The following HEXB variants were observed in gnomAD, a reference collection of about 807,000 sequenced individuals.
HEXB encodes the protein beta-hexosaminidase subunit beta.
Under a neutral mutation model 71.2 loss-of-function variants are expected in HEXB, and 51 were observed. That is an observed-to-expected ratio of 0.72 (90% CI 0.57 to 0.90). HEXB has a LOEUF of 0.90. HEXB is among the 40% of genes least tolerant of loss of function. The probability of loss-of-function intolerance (pLI) is 0.00; values close to 1 mark genes in which losing one functional copy is unlikely to be tolerated. For synonymous variants in HEXB, 266 were observed against 249.3 expected (o/e 1.07, Z -0.63); for missense variants, 617 against 677.0 (o/e 0.91, Z 0.98).
chr5:74,661,563 G>GTGTC (rs1748326404), intron 1 of HEXB, among the ~76,000 whole-genome samples: 7 of 133,802 alleles, frequency 5.2e-5, no homozygotes, highest in South Asian at 2.5e-4. Context: ...GTGTGTGTGT[G>GTGTC]TCTCTCTCTC....
chr5:74,694,305 A>T (rs539072269), intron 3 of HEXB, among the ~76,000 whole-genome samples: 2 of 152,190 alleles, frequency 1.3e-5, no homozygotes, highest in African/African-American at 4.8e-5. Flanking sequence ...CATGGCCCCA[A>T]CCTGTCCTGA....
At position 74,720,524 on chromosome 5, in the gene HEXB, G is replaced by C. The variant is rs935320840; in HGVS notation, c.1508+6G>C. 3.1e-6 allele frequency: 5 copies of C among 1,603,250 alleles called. No homozygotes were observed. The highest frequency in any genetic ancestry group is 3.4e-6 in the Non-Finnish European group (4 of 1,170,268). On this transcript the variant is annotated splice_donor_region_variant and intron_variant, in intron 12 of 13. Transcript: ENST00000261416. The stretch of plus-strand genomic sequence containing the variant: ...AACCTCACTCCAAGATTATGGTATG[G>C]GATTTACCTGATAACATTTAAGAAT...
intron 1 of HEXB, among the ~76,000 whole-genome samples, chr5:74,648,659 T>C (rs1748046142): frequency 6.6e-6 from 1 of 152,230 alleles, no homozygotes. Context: ...CTAGGTACAT[T>C]CTAATTTTTC....
chr5:74,645,828 C>T (rs924773331), intron 1 of HEXB, among the ~76,000 whole-genome samples: 4 of 152,142 alleles, frequency 2.6e-5, no homozygotes, highest in Non-Finnish European at 5.9e-5. Flanking sequence ...ATTATTTTCT[C>T]AGAACAATGT....
chr5:74,695,439 G>A (rs1181171977), intron 3 of HEXB, among the ~76,000 whole-genome samples: 4 of 150,928 alleles, frequency 2.7e-5, no homozygotes, highest in South Asian at 2.1e-4. Flanking sequence ...TCCTGACCTC[G>A]TGATCCACCT....
intron 10 of HEXB, 40 bp downstream of exon 10, chr5:74,718,403 CT>C: frequency 7.0e-7 from 1 of 1,424,230 alleles, no homozygotes; most frequent in Non-Finnish European, 9.9e-7. Flanking sequence ...ATATAAGAGA[CT>C]TAATTATTTT....
upstream of HEXB, among the ~76,000 whole-genome samples, chr5:74,684,185 T>C (rs1748795711): frequency 6.6e-6 from 1 of 152,232 alleles, no homozygotes; most frequent in African/African-American, 2.4e-5. Flanking sequence ...AATACTTATA[T>C]AGCAGATCTG....
chr5:74,695,383 T>G (rs1749090662), intron 3 of HEXB, among the ~76,000 whole-genome samples: 1 of 150,996 alleles, frequency 6.6e-6, no homozygotes, highest in South Asian at 2.1e-4. Flanking sequence ...TTTTGTATTT[T>G]TAGTAGAGAC....
At chr5:74,657,454 C>A (rs1748241071) in intron 1 of HEXB, among the ~76,000 whole-genome samples, 1 of 152,200 alleles carries the variant, frequency 6.6e-6, no homozygotes, top group Non-Finnish European at 1.5e-5. Flanking sequence ...AAAATAGCAA[C>A]CTCCTTGCTC....
intron 1 of HEXB, among the ~76,000 whole-genome samples, chr5:74,662,156 A>G (rs1387144961): frequency 5.3e-5 from 8 of 151,274 alleles, no homozygotes. Flanking sequence ...AACCACCATG[A>G]TTTTAAGCTT....
rs1425369435 is a variant in HEXB at position 74,652,965 on chromosome 5, G to A, written c.-377+12407G>A. On this transcript the variant is annotated intron_variant, in intron 1 of 13. Transcript: ENST00000511181. The surrounding 1 kb of genome is among the most constrained non-coding windows in gnomAD (Gnocchi z 5.4). ...TTGCTTTACTGAAATGGAATTTATA[G>A]ATAATAGACTCTATTGAATATAACT... 1.3e-5 allele frequency among the ~76,000 whole-genome samples: 2 copies of A among 152,170 alleles called. No individual in the cohort carries two copies. Among genetic ancestry groups the A allele is most frequent in the Non-Finnish European group, 2.9e-5 (2 of 68,034 alleles).
intron 1 of HEXB, among the ~76,000 whole-genome samples, chr5:74,679,382 C>G (rs961849763): frequency 6.6e-6 from 1 of 152,172 alleles, no homozygotes; most frequent in Non-Finnish European, 1.5e-5. Context: ...ATTAGCAACA[C>G]AGTAGCCAGC....
At chr5:74,674,830 A>T (rs1437319463) in intron 1 of HEXB, among the ~76,000 whole-genome samples, 1 of 152,092 alleles carries the variant, frequency 6.6e-6, no homozygotes, top group Non-Finnish European at 1.5e-5. Flanking sequence ...TTATTTTCTC[A>T]GTTCTCTGTA....
At chr5:74,643,810 A>C (rs1747951284) in intron 1 of HEXB, among the ~76,000 whole-genome samples, 1 of 152,208 alleles carries the variant, frequency 6.6e-6, no homozygotes, top group Admixed American at 6.5e-5. Context: ...ACAGTAGGCT[A>C]AGCAGCTGCC....
At chr5:74,689,531 G>A in intron 2 of HEXB, 58 bp downstream of exon 2, 1 of 1,494,066 alleles carries the variant, frequency 6.7e-7, no homozygotes, top group Non-Finnish European at 9.3e-7. Context: ...ACGGACTTAA[G>A]TGCCAAAAAC....
At chr5:74,707,724 AG>A (rs1307150108) in intron 6 of HEXB, among the ~76,000 whole-genome samples, 4 of 152,144 alleles carry the variant, frequency 2.6e-5, no homozygotes, top group African/African-American at 9.7e-5. Flanking sequence ...TGAAGTGAGA[AG>A]GGAAGTTTAG....
At chr5:74,663,573 C>T (rs189246250) in intron 1 of HEXB, among the ~76,000 whole-genome samples, 1 of 152,212 alleles carries the variant, frequency 6.6e-6, no homozygotes, top group African/African-American at 2.4e-5. Flanking sequence ...GAGATTCATA[C>T]CATGTTGAAA....
intron 6 of HEXB, among the ~76,000 whole-genome samples, chr5:74,710,281 C>T (rs894951939): frequency 5.9e-5 from 9 of 151,316 alleles, no homozygotes; most frequent in Admixed American, 1.3e-4. Context: ...ATTGATGGGA[C>T]ATATCTCAAA....
intron 5 of HEXB, among the ~76,000 whole-genome samples, chr5:74,704,031 C>G (rs559492507): frequency 1.3e-5 from 2 of 152,334 alleles, no homozygotes; most frequent in African/African-American, 4.8e-5. Flanking sequence ...TACATACTGT[C>G]TCACTCTACA....
Sources: gnomAD v4.1 joint callset for allele counts (sites outside exome capture counted in the v4.1 genomes callset) on GRCh38, gnomAD v4.1.1 for gene constraint, Gnocchi (gnomAD v3.1) non-coding constraint, MANE v1.5 for transcripts, NCBI Gene and HGNC (gene_info 2026-07-23, HGNC 2026-07-21) for gene names.